The following PARPBP variants were observed in gnomAD, a reference collection of about 807,000 sequenced individuals.
The protein encoded by PARPBP is PCNA-interacting partner.
A neutral mutation model predicts 50.0 loss-of-function variants in PARPBP; 52 were observed. That is an observed-to-expected ratio of 1.04 (90% CI 0.83 to 1.31). PARPBP has a LOEUF of 1.31. Among genes scored for constraint, PARPBP ranks in the 50% most tolerant of loss-of-function variants. PARPBP has a pLI of 0.00. For missense variants in PARPBP, 697 were observed against 672.0 expected (o/e 1.04, Z -0.41); for synonymous variants, 244 against 232.1 (o/e 1.05, Z -0.47).
At chr12:102,132,987 G>A (rs931878796) in intron 2 of PARPBP, among the ~76,000 whole-genome samples, 2 of 151,920 alleles carry the variant, frequency 1.3e-5, no homozygotes, top group African/African-American at 4.8e-5. Flanking sequence ...ACTGATTTTT[G>A]TATTTTGATT....
Position 102,171,658 on chromosome 12 carries a change from A to G in PARPBP, c.822-3825A>G, listed in dbSNP as rs190240893. 2.1e-4 allele frequency among the ~76,000 whole-genome samples: 32 copies of G among 152,154 alleles called. No individual in the cohort carries two copies. In the East Asian group the frequency reaches 6.0e-3, roughly 28 times the overall value. ...GAGGCGGGCGGATCACGAGGTCAGG[A>G]GATCGAGACCATCCTGGCTAACACG... On this transcript the variant is annotated intron_variant, in intron 6 of 10. Coordinates refer to ENST00000327680, the MANE Select transcript of PARPBP (RefSeq NM_017915.5).
chr12:102,152,314 G>A (rs575600474), intron 3 of PARPBP, among the ~76,000 whole-genome samples: 1 of 152,048 alleles, frequency 6.6e-6, no homozygotes, highest in East Asian at 1.9e-4. Context: ...CTCTCAAACT[G>A]CAGGATGGGT....
At chr12:102,187,899 T>G (rs1890442530) in intron 9 of PARPBP, among the ~76,000 whole-genome samples, 1 of 152,174 alleles carries the variant, frequency 6.6e-6, no homozygotes, top group Admixed American at 6.5e-5. Flanking sequence ...GAGAGCTATA[T>G]AATCAAAGAA....
At chr12:102,194,892 AT>A (rs1343472997) in intron 9 of PARPBP, among the ~76,000 whole-genome samples, 1 of 150,206 alleles carries the variant, frequency 6.7e-6, no homozygotes, top group African/African-American at 2.4e-5. Context: ...TCCATATGCT[AT>A]TTTTTTTCCA....
At chr12:102,136,214 A>G (rs1164813887) in intron 2 of PARPBP, among the ~76,000 whole-genome samples, 1 of 152,242 alleles carries the variant, frequency 6.6e-6, no homozygotes, top group Non-Finnish European at 1.5e-5. Context: ...GTGAGGAAGT[A>G]GTACTAAGGT....
At chr12:102,130,970 C>T (rs915865422) in intron 2 of PARPBP, among the ~76,000 whole-genome samples, 2 of 152,132 alleles carry the variant, frequency 1.3e-5, no homozygotes, top group African/African-American at 4.8e-5. Flanking sequence ...CATCACTGAT[C>T]ATTAAAAATT....
chr12:102,136,830 G>A (rs1431677380), intron 2 of PARPBP, among the ~76,000 whole-genome samples: 1 of 152,140 alleles, frequency 6.6e-6, no homozygotes, highest in Non-Finnish European at 1.5e-5. Context: ...GCATTCGTGA[G>A]TAGCATATAG....
At chr12:102,167,679 CA>C (rs993871764) in intron 6 of PARPBP, among the ~76,000 whole-genome samples, 2 of 152,098 alleles carry the variant, frequency 1.3e-5, no homozygotes, top group African/African-American at 4.8e-5. Flanking sequence ...ATCTGGCTAG[CA>C]ATATTCTGGG....
chr12:102,166,195 A>G (rs1268960660), intron 6 of PARPBP, among the ~76,000 whole-genome samples: 1 of 152,166 alleles, frequency 6.6e-6, no homozygotes, highest in Non-Finnish European at 1.5e-5. Flanking sequence ...TAATTTCTGT[A>G]TATTTTTTAT....
intron 2 of PARPBP, among the ~76,000 whole-genome samples, chr12:102,128,625 CA>C (rs1882381692): frequency 6.6e-6 from 1 of 152,136 alleles, no homozygotes; most frequent in Non-Finnish European, 1.5e-5. Context: ...TAATGTTTTC[CA>C]GGTACATCCA....
intron 2 of PARPBP, among the ~76,000 whole-genome samples, chr12:102,130,086 C>A (rs1480476008): frequency 3.3e-5 from 5 of 152,100 alleles, no homozygotes; most frequent in Non-Finnish European, 7.4e-5. Flanking sequence ...AGAAATAAGA[C>A]CACACACCAA....
intron 9 of PARPBP, among the ~76,000 whole-genome samples, chr12:102,194,327 T>C (rs894650275): frequency 8.6e-5 from 13 of 151,962 alleles, no homozygotes; most frequent in Non-Finnish European, 1.8e-4. Context: ...ATTACTGAAG[T>C]CATCTTTATT....
At chr12:102,155,603 G>GA in intron 4 of PARPBP, among the ~76,000 whole-genome samples, 2 of 119,492 alleles carry the variant, frequency 1.7e-5, no homozygotes, top group African/African-American at 6.0e-5. Context: ...GTGGGGGGGG[G>GA]GGGCGGGGAC....
At chr12:102,126,262 G>C (rs928192060) in intron 2 of PARPBP, among the ~76,000 whole-genome samples, 2 of 152,176 alleles carry the variant, frequency 1.3e-5, no homozygotes, top group South Asian at 4.1e-4. Context: ...TAGAGTGCCA[G>C]GGAGTAGTAG....
At chr12:102,137,864 A>G (rs746139245) in intron 2 of PARPBP, among the ~76,000 whole-genome samples, 4 of 152,158 alleles carry the variant, frequency 2.6e-5, no homozygotes, top group East Asian at 1.9e-4. Context: ...ATAGTATTCC[A>G]TGGTGTATAT....
At chr12:102,188,268 T>C (rs868481578) in intron 9 of PARPBP, among the ~76,000 whole-genome samples, 9 of 152,038 alleles carry the variant, frequency 5.9e-5, no homozygotes, top group Non-Finnish European at 1.3e-4. Context: ...GCTGGTCTTT[T>C]TTTTTTTTCA....
intron 6 of PARPBP, among the ~76,000 whole-genome samples, chr12:102,169,623 T>C (rs1482665348): frequency 6.6e-6 from 1 of 152,224 alleles, no homozygotes; most frequent in African/African-American, 2.4e-5. Flanking sequence ...TGTTTCAGAC[T>C]TTCATCCTTT....
chr12:102,179,433 A>G (rs569749873), intron 8 of PARPBP, among the ~76,000 whole-genome samples: 1 of 152,376 alleles, frequency 6.6e-6, no homozygotes, highest in East Asian at 1.9e-4. Flanking sequence ...GGTAGCTTAA[A>G]CAATAGAAAC....
chr12:102,124,144 T>C, intron 2 of PARPBP, 103 bp downstream of exon 2: 1 of 751,132 alleles, frequency 1.3e-6, no homozygotes, highest in Non-Finnish European at 2.2e-6. Context: ...CTTTACATTA[T>C]GTGCCCTTCT....
Sources: gnomAD v4.1 joint callset for allele counts (sites outside exome capture counted in the v4.1 genomes callset) on GRCh38, gnomAD v4.1.1 for gene constraint, MANE v1.5 for transcripts, NCBI Gene and HGNC (gene_info 2026-07-23, HGNC 2026-07-21) for gene names.